Variants in KLHL4 observed in about 807,000 individuals in gnomAD.
KLHL4 encodes kelch like family member 4.
Under a neutral mutation model 45.8 loss-of-function variants are expected in KLHL4, and 17 were observed. The observed-to-expected ratio is 0.37, with a 90% CI of 0.25 to 0.56. The LOEUF is 0.56. Ranked by LOEUF, KLHL4 falls within the 20% of genes least tolerant of loss-of-function variation. KLHL4 has a pLI of 0.79. For synonymous variants in KLHL4, 224 were observed against 189.9 expected (o/e 1.18, Z -1.47); for missense variants, 544 against 544.9 (o/e 1.00, Z 0.02).
intron 10 of KLHL4, 97 bp downstream of exon 10, chrX:87,665,032 C>T: frequency 3.9e-6 from 2 of 509,546 alleles, no homozygotes; most frequent in South Asian, 3.9e-5. Context: ...CTTCTCTAGG[C>T]CCTAACAAGA....
rs143862362 is a variant in KLHL4, at chrX:87,631,171, G to A, written c.1325-1039G>A. Among the ~76,000 whole-genome samples the A allele has an allele frequency of 3.3e-3, 362 of 111,114 alleles. 6 individuals are homozygous for A. Among genetic ancestry groups the A allele is most frequent in the Admixed American group, 0.031 (326 of 10,471 alleles). ...GCAGGTGGGTTTTCTGCCTAAACTC[G>A]CCATGATACCCATTTCTTTCTTACT... On this transcript the variant is annotated intron_variant, in intron 6 of 10. Coordinates refer to ENST00000373119, the MANE Select transcript of KLHL4 (RefSeq NM_019117.5).
rs1030068430 is a variant in KLHL4 at position 87,647,125 on chromosome X, T to C, written c.1925+11350T>C. Among the ~76,000 whole-genome samples the C allele has an allele frequency of 1.2e-3, 130 of 111,894 alleles. 1 individual carries two copies. The highest frequency in any genetic ancestry group is 4.1e-3 in the African/African-American group (126 of 30,858). On this transcript the variant is annotated intron_variant, in intron 9 of 10. Coordinates refer to ENST00000373119, the MANE Select transcript of KLHL4 (RefSeq NM_019117.5). Reference sequence around the variant, plus strand: ...AAGATATACATATGGCCAACAAACATATTTTAAAAATGTTCAACGTCACTA... The same window carrying C: ...AAGATATACATATGGCCAACAAACACATTTTAAAAATGTTCAACGTCACTA...
rs1415005196 is a variant in KLHL4 at position 87,617,807 on chromosome X, T to C, written c.728-125T>C. On this transcript the variant is annotated intron_variant, in intron 3 of 10. Coordinates refer to ENST00000373119, the MANE Select transcript of KLHL4 (RefSeq NM_019117.5). ...TCTTGCGTATATTAGCCTCAAAATG[T>C]GCTCCAAATCTGCTGAAAATCATAG... The C allele has an allele frequency of 1.0e-5, 5 of 500,181 alleles. No individual in the cohort carries two copies. The Admixed American group carries it at 1.6e-4, about 16-fold the overall frequency. The allele number at this position is 500,181 out of a possible 1,213,427, so 41.2% of individuals were successfully genotyped here.
At chrX:87,560,363 C>G (rs750521305) in intron 1 of KLHL4, among the ~76,000 whole-genome samples, 21 of 111,947 alleles carry the variant, frequency 1.9e-4, no homozygotes, top group African/African-American at 6.5e-4. Context: ...TAGCTGTAGC[C>G]TCTCTGCTAC....
intron 1 of KLHL4, among the ~76,000 whole-genome samples, chrX:87,592,772 T>A (rs945007112): frequency 3.6e-5 from 4 of 112,373 alleles, no homozygotes; most frequent in Admixed American, 2.8e-4. Context: ...TTAGATTTAT[T>A]TCCTGTTGAA....
Position 87,669,041 on chromosome X carries a change from A to C in KLHL4, c.*2507A>C. ...AACTGTGCTTGTCTCAGTCAAACTT[A>C]ATTGGGAAAAGGAGGAGTAAGAGCA... On this transcript the variant is annotated 3_prime_UTR_variant, in exon 11 of 11. Transcript: ENST00000373119. 1.2e-6 allele frequency: 1 copy of C among 851,456 alleles called. No homozygotes were observed. The highest frequency in any genetic ancestry group is 1.4e-6 in the Non-Finnish European group (1 of 702,188). 70.2% of individuals were successfully genotyped at this position (851,456 alleles called of 1,213,427 possible).
intron 1 of KLHL4, among the ~76,000 whole-genome samples, chrX:87,531,135 T>G (rs1931264430): frequency 9.0e-6 from 1 of 110,858 alleles, no homozygotes; most frequent in Admixed American, 9.6e-5. Context: ...CTTGTAAATT[T>G]GTTTGAGTTC....
chrX:87,657,817 T>C (rs966111535), intron 9 of KLHL4, among the ~76,000 whole-genome samples: 2 of 111,700 alleles, frequency 1.8e-5, no homozygotes, highest in East Asian at 2.8e-4. Context: ...GGGTAAAATT[T>C]TGATGGGGCT....
At chrX:87,554,493 G>A (rs1248289599) in intron 1 of KLHL4, among the ~76,000 whole-genome samples, 1 of 93,265 alleles carries the variant, frequency 1.1e-5, no homozygotes, top group Non-Finnish European at 2.1e-5. Context: ...GTGAATGGGA[G>A]TTCACTCATG....
chrX:87,614,297 C>A, intron 2 of KLHL4, 137 bp from the exon 3 acceptor site: 1 of 626,885 alleles, frequency 1.6e-6, no homozygotes, highest in Non-Finnish European at 2.4e-6. Context: ...TTTCTAACTT[C>A]ACTACATTTA....
At chrX:87,530,399 T>A (rs1478625685) in intron 1 of KLHL4, among the ~76,000 whole-genome samples, 1 of 100,605 alleles carries the variant, frequency 9.9e-6, no homozygotes, top group African/African-American at 3.6e-5. Context: ...TAGGTATATC[T>A]CCCAATGCTA....
intron 1 of KLHL4, among the ~76,000 whole-genome samples, chrX:87,566,626 T>G (rs1932216957): frequency 9.0e-6 from 1 of 111,535 alleles, no homozygotes. Context: ...CTACTGAATA[T>G]GTATCACTGT....
chrX:87,561,177 A>G (rs1932090992), intron 1 of KLHL4, among the ~76,000 whole-genome samples: 1 of 111,067 alleles, frequency 9.0e-6, no homozygotes, highest in South Asian at 3.8e-4. Context: ...ACCAAGTTAA[A>G]CAACTCTTCA....
intron 9 of KLHL4, among the ~76,000 whole-genome samples, chrX:87,661,117 C>A (rs764033159): frequency 3.6e-5 from 4 of 111,884 alleles, no homozygotes; most frequent in African/African-American, 9.7e-5. Flanking sequence ...AATATATAAT[C>A]AGAGATACAA....
chrX:87,628,733 A>C (rs762310642), intron 6 of KLHL4, among the ~76,000 whole-genome samples: 1 of 111,792 alleles, frequency 8.9e-6, no homozygotes, highest in South Asian at 3.7e-4. Context: ...TGAAAAATTT[A>C]ACTTTTATAT....
chrX:87,554,777 G>A (rs1931929198), intron 1 of KLHL4, among the ~76,000 whole-genome samples: 1 of 100,866 alleles, frequency 9.9e-6, no homozygotes, highest in Non-Finnish European at 2.0e-5. Context: ...GGTGAGAGAG[G>A]GCATCCCTGT....
chrX:87,640,572 A>G (rs1450317084), intron 9 of KLHL4, among the ~76,000 whole-genome samples: 3 of 111,976 alleles, frequency 2.7e-5, no homozygotes, highest in African/African-American at 6.5e-5. Context: ...CCTCATAAAA[A>G]TATTTTTTTA....
chrX:87,619,072 C>A (rs777348546), intron 4 of KLHL4, among the ~76,000 whole-genome samples: 33 of 110,964 alleles, frequency 3.0e-4, no homozygotes, highest in Non-Finnish European at 5.9e-4. Flanking sequence ...ACTTTTTTAA[C>A]CTCTGAAGAA....
chrX:87,603,969 C>T (rs1348828246), intron 1 of KLHL4, among the ~76,000 whole-genome samples: 3 of 110,385 alleles, frequency 2.7e-5, no homozygotes, highest in Admixed American at 2.0e-4. Context: ...CTTAATTCCA[C>T]GTATTAGTGA....
Sources: allele counts gnomAD v4.1 joint callset (sites outside exome capture counted in the v4.1 genomes callset), GRCh38; gene constraint gnomAD v4.1.1; transcripts MANE v1.5; gene names NCBI Gene and HGNC (gene_info 2026-07-23, HGNC 2026-07-21).